HERC4: variants seen among roughly 807,000 people sequenced by gnomAD.
HERC4 encodes HECT and RLD domain containing E3 ubiquitin protein ligase 4.
In HERC4, 28 loss-of-function variants were observed where a neutral mutation model predicts 124.3. The observed-to-expected ratio is 0.23, with a 90% CI of 0.17 to 0.31. HERC4 has a LOEUF of 0.31. HERC4 is among the 10% of genes least tolerant of loss of function. The pLI is 1.00. For missense variants in HERC4, 713 were observed against 1,229.3 expected (o/e 0.58, Z 6.28); for synonymous variants, 407 against 421.5 (o/e 0.97, Z 0.42).
chr10:67,975,396 G>A (rs1446371704), intron 15 of HERC4, among the ~76,000 whole-genome samples: 2 of 152,086 alleles, frequency 1.3e-5, no homozygotes, highest in African/African-American at 4.8e-5. Flanking sequence ...TATAACTCAT[G>A]CATTCTATTT....
At position 67,948,961 on chromosome 10, in the gene HERC4, A is replaced by C. The variant is rs181784892; in HGVS notation, c.2337+5634T>G. Among the ~76,000 whole-genome samples the C allele has an allele frequency of 6.1e-3, 925 of 151,590 alleles. 13 individuals are homozygous for C. The highest frequency in any genetic ancestry group is 0.021 in the African/African-American group (861 of 41,284). On this transcript the variant is annotated intron_variant, in intron 19 of 24. Transcript: ENST00000373700. ...ATAAATAAATACAATTTTTAAAAAGAATTAAAAGTTGGCCAGGCGCGGTGG... is the reference window on the plus strand; with the variant it reads ...ATAAATAAATACAATTTTTAAAAAGCATTAAAAGTTGGCCAGGCGCGGTGG...
intron 15 of HERC4, chr10:67,987,984 C>T (rs999694150): frequency 2.0e-5 from 3 of 152,048 alleles, no homozygotes; most frequent in Non-Finnish European, 2.9e-5. Flanking sequence ...TCCCTTAGGT[C>T]ATGTCTCATC....
chr10:67,932,800 C>T lies in HERC4; in HGVS notation c.2655-20G>A. On this transcript the variant is annotated intron_variant, in intron 22 of 24. Transcript: ENST00000373700. ...TCTTGCCTAGAAATGAAAAAGCACACATGTACAGATTATAAAAATCATGTA... is the reference window on the plus strand; with the variant it reads ...TCTTGCCTAGAAATGAAAAAGCACATATGTACAGATTATAAAAATCATGTA... The T allele has an allele frequency of 6.4e-7, 1 of 1,562,334 alleles. No homozygotes were observed. Among genetic ancestry groups the T allele is most frequent in the Non-Finnish European group, 8.6e-7 (1 of 1,162,530 alleles).
intron 7 of HERC4, 111 bp from the exon 8 acceptor site, chr10:68,025,787 A>T: frequency 9.4e-7 from 1 of 1,060,626 alleles, no homozygotes; most frequent in Non-Finnish European, 1.3e-6. Flanking sequence ...TTCTCTTCTA[A>T]GAACTGTCTT....
chr10:67,954,580 G>A lies in HERC4; in HGVS notation c.2337+15C>T, dbSNP rs2034018584. Reference sequence around the variant, plus strand: ...GTATATACACAGAAGTAATTTAGATGGTTGGACATTTTACCTTATCAGAAA... The same window carrying A: ...GTATATACACAGAAGTAATTTAGATAGTTGGACATTTTACCTTATCAGAAA... On this transcript the variant is annotated intron_variant, in intron 19 of 24. Coordinates refer to ENST00000373700, the MANE Select transcript of HERC4 (RefSeq NM_015601.4). The A allele has an allele frequency of 1.2e-6, 2 of 1,606,446 alleles. No individual in the cohort carries two copies. Among genetic ancestry groups the A allele is most frequent in the Non-Finnish European group, 1.7e-6 (2 of 1,175,094 alleles).
chr10:68,039,328 A>G, intron 4 of HERC4: 2 of 1,474,674 alleles, frequency 1.4e-6, no homozygotes, highest in Admixed American at 2.6e-5. Flanking sequence ...AAAAAAAAAA[A>G]AAAAAAGAAA....
At chr10:68,002,033 C>T (rs1406867299) in intron 9 of HERC4, among the ~76,000 whole-genome samples, 3 of 151,968 alleles carry the variant, frequency 2.0e-5, no homozygotes, top group Admixed American at 2.0e-4. Context: ...GCAGCAAAAA[C>T]GACTGATTTT....
chr10:68,068,816 C>T (rs2041428392), intron 3 of HERC4: 1 of 152,728 alleles, frequency 6.5e-6, no homozygotes, highest in Non-Finnish European at 1.5e-5. Flanking sequence ...TTAGGGTGGT[C>T]TCAAGATGTG....
intron 5 of HERC4, among the ~76,000 whole-genome samples, chr10:68,036,651 C>A (rs959092426): frequency 1.3e-5 from 2 of 152,148 alleles, no homozygotes; most frequent in African/African-American, 2.4e-5. Flanking sequence ...CATAAAACTA[C>A]ATGCCAATAT....
At chr10:67,974,281 A>T (rs2035450731) in intron 15 of HERC4, among the ~76,000 whole-genome samples, 1 of 152,170 alleles carries the variant, frequency 6.6e-6, no homozygotes, top group African/African-American at 2.4e-5. Context: ...GAGAGGTAGA[A>T]AGTAAAACAA....
At chr10:68,006,844 C>CCAGATGT (rs1445364829) in intron 9 of HERC4, among the ~76,000 whole-genome samples, 1 of 152,168 alleles carries the variant, frequency 6.6e-6, no homozygotes, top group East Asian at 1.9e-4. Context: ...AAGTCTGCTG[C>CCAGATGT]CAGATGTACT....
rs144726315 is a variant in HERC4, at chr10:67,950,405, A to G, written c.2337+4190T>C. Among the ~76,000 whole-genome samples, 625 of 152,092 alleles carry G rather than the reference A, an allele frequency of 4.1e-3. 7 individuals are homozygous for G. The highest frequency in any genetic ancestry group is 0.014 in the African/African-American group (599 of 41,502). On this transcript the variant is annotated intron_variant, in intron 19 of 24. Transcript: ENST00000373700. ...ATTCTCCTGCCTCAGCCTCCTAAGT[A>G]GCTAGGATTACAGATGCATTCCACC...
At chr10:68,004,864 TA>T (rs1227039379) in intron 9 of HERC4, among the ~76,000 whole-genome samples, 2 of 152,186 alleles carry the variant, frequency 1.3e-5, no homozygotes, top group Non-Finnish European at 2.9e-5. Flanking sequence ...ATGATTCCAT[TA>T]CCTCCACCGG....
At chr10:67,992,550 T>A in intron 10 of HERC4, 56 bp downstream of exon 10, 1 of 1,184,794 alleles carries the variant, frequency 8.4e-7, no homozygotes, top group Non-Finnish European at 1.2e-6. Flanking sequence ...AATGGGTTTT[T>A]AAAATTTGTC....
rs546940194 is a variant in HERC4, at chr10:68,037,494, A to G, written c.463+599T>C. On this transcript the variant is annotated intron_variant, in intron 5 of 24. Coordinates refer to ENST00000373700, the MANE Select transcript of HERC4 (RefSeq NM_015601.4). ...AGGATACTAGTAAGTTAAACTGGTA[A>G]GAGAGGAATGCAAACAAAGCTAATA... Among the ~76,000 whole-genome samples, 24 of 152,322 alleles carry G rather than the reference A, an allele frequency of 1.6e-4. No individual in the cohort carries two copies. The East Asian group carries it at 4.2e-3, about 27-fold the overall frequency.
intron 8 of HERC4, among the ~76,000 whole-genome samples, chr10:68,015,329 C>T (rs1172992657): frequency 6.6e-6 from 1 of 152,212 alleles, no homozygotes; most frequent in African/African-American, 2.4e-5. Flanking sequence ...AACTGATCAT[C>T]TAAGTCAGCT....
chr10:67,993,810 G>GT (rs1273301422), intron 9 of HERC4: 4 of 152,182 alleles, frequency 2.6e-5, no homozygotes, highest in Admixed American at 6.5e-5. Flanking sequence ...ACTGGAAAGA[G>GT]TATCTATTAC....
rs2037332922 is a variant in HERC4 at position 68,003,170 on chromosome 10, T to G, written c.1070-10488A>C. 2.6e-5 allele frequency among the ~76,000 whole-genome samples: 4 copies of G among 151,966 alleles called. No homozygotes were observed. The South Asian group carries it at 8.3e-4, about 31-fold the overall frequency. The stretch of plus-strand genomic sequence containing the variant: ...TTAACTATATTTTTATACTTTTTTT[T>G]TTTTGAGACGGAGTCTTGCTCTGTC... On this transcript the variant is annotated intron_variant, in intron 9 of 24. Coordinates refer to ENST00000373700, the MANE Select transcript of HERC4 (RefSeq NM_015601.4).
chr10:67,979,341 C>T (rs1314768454), intron 15 of HERC4, among the ~76,000 whole-genome samples: 5 of 151,360 alleles, frequency 3.3e-5, no homozygotes, highest in Non-Finnish European at 7.4e-5. Flanking sequence ...ATTGACATAC[C>T]GAAGAATGTC....
Sources: allele counts gnomAD v4.1 joint callset (sites outside exome capture counted in the v4.1 genomes callset), GRCh38; gene constraint gnomAD v4.1.1; transcripts MANE v1.5; gene names NCBI Gene and HGNC (gene_info 2026-07-23, HGNC 2026-07-21).